PSPC1: variants seen among roughly 807,000 people sequenced by gnomAD.
PSPC1 encodes paraspeckle component 1.
In PSPC1, 14 loss-of-function variants were observed where a neutral mutation model predicts 51.6. The observed-to-expected ratio is 0.27, with a 90% confidence interval of 0.18 to 0.42. The LOEUF (loss-of-function observed/expected upper bound fraction) is 0.42, where lower values mean the gene tolerates loss of function less well. Ranked by LOEUF, PSPC1 falls within the 10% of genes least tolerant of loss-of-function variation. PSPC1 has a pLI of 1.00. For synonymous variants in PSPC1, 193 were observed against 231.9 expected (o/e 0.83, Z 1.53); for missense variants, 406 against 701.1 (o/e 0.58, Z 4.75).
chr13:19,782,754 T>C lies in PSPC1; in HGVS notation c.4A>G (p.Met2Val). The change falls in exon 1 of 9, where the codon ATG becomes GTG. Residue 2 changes from methionine to valine, a missense_variant. This residue lies in a region of PSPC1 where 128 missense variants were observed against 107.1 expected (regional missense o/e 1.20). Coordinates refer to ENST00000338910, the MANE Select transcript of PSPC1 (RefSeq NM_001354909.2). This position sits in a 1 kb window ranked among gnomAD's most constrained non-coding sequence, Gnocchi z 4.5. M[M>V]LRGNLKQVRI... ...ACTTGCTTCAGGTTTCCTCTTAACATCATCTTACTGAGTTCGCCTCGGACA... is the reference window on the plus strand; with the variant it reads ...ACTTGCTTCAGGTTTCCTCTTAACACCATCTTACTGAGTTCGCCTCGGACA... 6.4e-7 allele frequency: 1 copy of C among 1,554,932 alleles called. No homozygotes were observed. Among genetic ancestry groups the C allele is most frequent in the Non-Finnish European group, 8.6e-7 (1 of 1,164,828 alleles).
chr13:19,690,892 CT>C (rs1168764066), intron 6 of PSPC1, among the ~76,000 whole-genome samples: 2 of 152,198 alleles, frequency 1.3e-5, no homozygotes, highest in African/African-American at 4.8e-5. Flanking sequence ...TATTCTTACT[CT>C]GACCCTTTAG....
At chr13:19,735,001 C>CA (rs201828333) in intron 5 of PSPC1, among the ~76,000 whole-genome samples, 4,737 of 149,674 alleles carry the variant, frequency 0.032, 103 homozygotes, top group Middle Eastern at 0.041. Context: ...AACAAACAAA[C>CA]AAAAAAAACA....
intron 1 of PSPC1, among the ~76,000 whole-genome samples, chr13:19,778,209 T>G (rs1449729683): frequency 6.6e-6 from 1 of 151,100 alleles, no homozygotes; most frequent in Non-Finnish European, 1.5e-5. Flanking sequence ...GCCACTGCAC[T>G]CCAACGTGGT....
chr13:19,698,646 C>G (rs185596770), downstream of PSPC1, among the ~76,000 whole-genome samples: 82 of 151,792 alleles, frequency 5.4e-4, no homozygotes, highest in African/African-American at 1.9e-3. Flanking sequence ...TGTGTACAAG[C>G]AGAATACCAT....
chr13:19,739,698 G>A (rs144570611), intron 5 of PSPC1, among the ~76,000 whole-genome samples: 12 of 152,014 alleles, frequency 7.9e-5, no homozygotes, highest in African/African-American at 2.9e-4. Flanking sequence ...AGCCAAGATC[G>A]CACCATTGCA....
chr13:19,774,574 T>G (rs1458336677), intron 1 of PSPC1, among the ~76,000 whole-genome samples: 1 of 144,016 alleles, frequency 6.9e-6, no homozygotes, highest in African/African-American at 2.6e-5. Context: ...CTGAGGCAGG[T>G]AGATCACTTG....
chr13:19,682,252 C>A (rs1390909065), intron 6 of PSPC1, among the ~76,000 whole-genome samples: 3 of 151,938 alleles, frequency 2.0e-5, no homozygotes, highest in Non-Finnish European at 4.4e-5. Context: ...TTGTAAGAAG[C>A]AAAAATCTGT....
chr13:19,735,332 G>A lies in PSPC1; in HGVS notation c.1053-4988C>T, dbSNP rs191003485. Reference sequence around the variant, plus strand: ...GTCTCAAAAAACAAACCAAAGAAACGAAGTGGGTAGGTGAGTAAATGGGTG... The same window carrying A: ...GTCTCAAAAAACAAACCAAAGAAACAAAGTGGGTAGGTGAGTAAATGGGTG... On this transcript the variant is annotated intron_variant, in intron 5 of 8. Transcript: ENST00000338910. 2.0e-3 allele frequency among the ~76,000 whole-genome samples: 305 copies of A among 152,052 alleles called. 1 individual carries two copies. The highest frequency in any genetic ancestry group is 7.0e-3 in the African/African-American group (292 of 41,508).
chr13:19,745,570 TCA>T (rs1885884791), intron 4 of PSPC1, among the ~76,000 whole-genome samples: 1 of 152,148 alleles, frequency 6.6e-6, no homozygotes, highest in African/African-American at 2.4e-5. Flanking sequence ...TATTTTTCTT[TCA>T]GTTTTTATTT....
chr13:19,693,882 G>A (rs1289109673), intron 6 of PSPC1, among the ~76,000 whole-genome samples: 1 of 152,024 alleles, frequency 6.6e-6, no homozygotes, highest in Non-Finnish European at 1.5e-5. Context: ...CAAGCACTTT[G>A]GGAGGCCGAG....
intron 5 of PSPC1, among the ~76,000 whole-genome samples, chr13:19,732,156 T>C (rs1294004631): frequency 2.0e-5 from 3 of 152,198 alleles, no homozygotes; most frequent in Non-Finnish European, 2.9e-5. Flanking sequence ...AAAATGTTCC[T>C]AAGGGATTTC....
chr13:19,768,216 C>T (rs1017790906), intron 2 of PSPC1, among the ~76,000 whole-genome samples: 1 of 151,738 alleles, frequency 6.6e-6, no homozygotes, highest in African/African-American at 2.4e-5. Context: ...CAGAGCAAGA[C>T]CGTGTCCCCC....
At chr13:19,772,114 T>C in intron 2 of PSPC1, 128 bp downstream of exon 2, 1 of 1,013,676 alleles carries the variant, frequency 9.9e-7, no homozygotes, top group Non-Finnish European at 1.4e-6. Context: ...TTATTTATAT[T>C]CACTGAATAT....
chr13:19,753,572 G>A (rs1015641392), intron 3 of PSPC1, among the ~76,000 whole-genome samples: 2 of 152,082 alleles, frequency 1.3e-5, no homozygotes, highest in African/African-American at 2.4e-5. Flanking sequence ...AATTAGTCTC[G>A]CCTATAACAG....
In PSPC1 at chr13:19,776,937, C is replaced by A. The variant is rs1218116592; in HGVS notation, c.373-4394G>T. ...GGTCAGGAGTTCAAGACCAGCCTGG[C>A]CAACATGGTGAAACCCTATCTCTAC... On this transcript the variant is annotated intron_variant, in intron 1 of 8. Coordinates refer to ENST00000338910, the MANE Select transcript of PSPC1 (RefSeq NM_001354909.2). 1.3e-5 allele frequency among the ~76,000 whole-genome samples: 2 copies of A among 150,372 alleles called. 1 individual carries two copies. The highest frequency in any genetic ancestry group is 4.9e-5 in the African/African-American group (2 of 40,992).
chr13:19,769,215 C>T (rs1259313214), intron 2 of PSPC1, among the ~76,000 whole-genome samples: 1 of 151,030 alleles, frequency 6.6e-6, no homozygotes, highest in East Asian at 1.9e-4. Flanking sequence ...CTTTGGGAGG[C>T]CAAACTGAGG....
downstream of PSPC1, among the ~76,000 whole-genome samples, chr13:19,673,962 G>C (rs975736839): frequency 6.6e-6 from 1 of 152,190 alleles, no homozygotes; most frequent in East Asian, 1.9e-4. Context: ...AGTCATGTCC[G>C]GATCTCCTAG....
intron 2 of PSPC1, among the ~76,000 whole-genome samples, chr13:19,760,171 C>G (rs1887480585): frequency 6.6e-6 from 1 of 152,128 alleles, no homozygotes; most frequent in Non-Finnish European, 1.5e-5. Flanking sequence ...ACCACCTCAA[C>G]CCACCCATCT....
chr13:19,759,246 TA>T, intron 3 of PSPC1, 76 bp downstream of exon 3: 1 of 1,122,252 alleles, frequency 8.9e-7, no homozygotes, highest in Non-Finnish European at 1.3e-6. Context: ...GAACACCTCA[TA>T]ATCCAATATT....
Sources: allele counts gnomAD v4.1 joint callset (sites outside exome capture counted in the v4.1 genomes callset), GRCh38; gene constraint gnomAD v4.1.1; regional missense constraint gnomAD v4.1.1; non-coding constraint Gnocchi (gnomAD v3.1); transcripts MANE v1.5; gene names NCBI Gene and HGNC (gene_info 2026-07-23, HGNC 2026-07-21).